Variants in CTNNA3 observed in about 807,000 individuals in gnomAD.
CTNNA3 encodes catenin alpha-3.
CTNNA3 carries 76 observed loss-of-function variants against 95.7 expected under a neutral mutation model. The observed-to-expected ratio is 0.79, with a 90% CI of 0.66 to 0.96. The LOEUF (loss-of-function observed/expected upper bound fraction) is 0.96. Among genes scored for constraint, CTNNA3 ranks in the 40% least tolerant of loss-of-function variants. The pLI, the probability that CTNNA3 is intolerant of heterozygous loss-of-function variation, is 0.00. For missense variants in CTNNA3, 1,191 were observed against 1,089.8 expected, an observed-to-expected ratio of 1.09 and a Z score of -1.31; for synonymous variants, 431 against 374.4, an observed-to-expected ratio of 1.15 and a Z score of -1.74.
intron 9 of CTNNA3, among the ~76,000 whole-genome samples, chr10:66,640,929 G>A (rs1464770797): frequency 1.3e-5 from 2 of 152,040 alleles, no homozygotes; most frequent in Admixed American, 6.6e-5. Context: ...GCAAATGAAC[G>A]CATGCTAGCA....
At chr10:67,147,847 T>C (rs1306127262) in intron 7 of CTNNA3, among the ~76,000 whole-genome samples, 11 of 152,226 alleles carry the variant, frequency 7.2e-5, no homozygotes, top group African/African-American at 2.2e-4. Flanking sequence ...TGAAGCTGTA[T>C]AGATTGAACA....
At chr10:66,601,907 T>G (rs1843940588) in intron 10 of CTNNA3, among the ~76,000 whole-genome samples, 1 of 151,800 alleles carries the variant, frequency 6.6e-6, no homozygotes. Flanking sequence ...TTAGGTTCAG[T>G]GTAGATATGA....
intron 7 of CTNNA3, among the ~76,000 whole-genome samples, chr10:67,146,101 C>T (rs1860830118): frequency 6.6e-6 from 1 of 151,846 alleles, no homozygotes; most frequent in Non-Finnish European, 1.5e-5. Flanking sequence ...AGCACCCCTC[C>T]ACACACACAC....
At chr10:65,991,157 T>A (rs1284500618) in intron 15 of CTNNA3, among the ~76,000 whole-genome samples, 1 of 152,118 alleles carries the variant, frequency 6.6e-6, no homozygotes, top group Non-Finnish European at 1.5e-5. Flanking sequence ...ACTACAGCCT[T>A]ATAATATGTC....
chr10:66,879,004 T>C (rs1237217237), intron 7 of CTNNA3, among the ~76,000 whole-genome samples: 1 of 152,178 alleles, frequency 6.6e-6, no homozygotes, highest in Non-Finnish European at 1.5e-5. Flanking sequence ...TAGTGTCTTG[T>C]AGACTTTGTC....
At chr10:66,151,445 G>T (rs907249927) in intron 13 of CTNNA3, among the ~76,000 whole-genome samples, 3 of 151,826 alleles carry the variant, frequency 2.0e-5, no homozygotes, top group African/African-American at 7.3e-5. Context: ...GAATTTTGAG[G>T]ATATTTACTT....
chr10:67,054,202 A>C (rs1364688781), intron 7 of CTNNA3, among the ~76,000 whole-genome samples: 3 of 152,218 alleles, frequency 2.0e-5, no homozygotes, highest in Non-Finnish European at 4.4e-5. Flanking sequence ...ATTAAAAAAA[A>C]AACTTTATAA....
intron 7 of CTNNA3, among the ~76,000 whole-genome samples, chr10:66,847,353 A>C (rs1215230460): frequency 6.6e-6 from 1 of 152,218 alleles, no homozygotes; most frequent in East Asian, 1.9e-4. Flanking sequence ...AATTATACAG[A>C]AAACATGGTG....
chr10:66,446,128 A>C (rs904950972), intron 11 of CTNNA3, among the ~76,000 whole-genome samples: 1 of 152,214 alleles, frequency 6.6e-6, no homozygotes. Flanking sequence ...AACCAGGAAA[A>C]AGTTGAATCT....
intron 13 of CTNNA3, among the ~76,000 whole-genome samples, chr10:66,207,978 C>A (rs1392286752): frequency 6.6e-6 from 1 of 152,044 alleles, no homozygotes; most frequent in African/African-American, 2.4e-5. Flanking sequence ...TACTTGCCAC[C>A]ACAATATTTC....
intron 5 of CTNNA3, among the ~76,000 whole-genome samples, chr10:67,275,523 T>TA (rs1346050443): frequency 4.0e-5 from 6 of 151,654 alleles, no homozygotes; most frequent in Non-Finnish European, 8.8e-5. Context: ...GCTAAGCGTA[T>TA]AAAAAACCGA....
At chr10:66,623,936 C>G (rs1167127175) in intron 9 of CTNNA3, among the ~76,000 whole-genome samples, 1 of 152,266 alleles carries the variant, frequency 6.6e-6, no homozygotes, top group East Asian at 1.9e-4. Context: ...TTCTGCATGG[C>G]TCTTTAGTCA....
chr10:66,821,767 G>A (rs1842311567), intron 7 of CTNNA3, among the ~76,000 whole-genome samples: 2 of 152,028 alleles, frequency 1.3e-5, no homozygotes, highest in South Asian at 2.1e-4. Context: ...GCTAGTATGC[G>A]CTTTTATCAT....
intron 6 of CTNNA3, among the ~76,000 whole-genome samples, chr10:67,188,657 A>C (rs1026247054): frequency 2.6e-5 from 4 of 152,188 alleles, no homozygotes; most frequent in Non-Finnish European, 4.4e-5. Context: ...TATCCAAGGG[A>C]AATGAAATCA....
chr10:66,356,411 TA>T (rs1029026715), intron 12 of CTNNA3, among the ~76,000 whole-genome samples: 3 of 151,964 alleles, frequency 2.0e-5, no homozygotes, highest in Admixed American at 6.6e-5. Context: ...GTGCAGCAAT[TA>T]TTTTTTTTTA....
At chr10:67,122,437 T>C (rs1859516790) in intron 7 of CTNNA3, among the ~76,000 whole-genome samples, 1 of 152,080 alleles carries the variant, frequency 6.6e-6, no homozygotes, top group Non-Finnish European at 1.5e-5. Context: ...GCACGCTGAA[T>C]ACAGTCAAAA....
intron 9 of CTNNA3, among the ~76,000 whole-genome samples, chr10:66,694,612 AT>A (rs900206833): frequency 2.0e-5 from 3 of 151,992 alleles, no homozygotes; most frequent in Non-Finnish European, 4.4e-5. Context: ...ACTCATTTTA[AT>A]TTTTTTCTAA....
intron 5 of CTNNA3, among the ~76,000 whole-genome samples, chr10:67,458,631 C>T (rs142295005): frequency 2.5e-4 from 38 of 152,114 alleles, no homozygotes; most frequent in Admixed American, 1.0e-3. Context: ...GTAATCCCAG[C>T]GCTTTGGAAG....
chr10:66,664,207 T>A (rs1846362667), intron 9 of CTNNA3, among the ~76,000 whole-genome samples: 1 of 152,138 alleles, frequency 6.6e-6, no homozygotes, highest in Non-Finnish European at 1.5e-5. Flanking sequence ...CCCAGACACT[T>A]TTATATAAAT....
Sources: allele counts gnomAD v4.1 joint callset (sites outside exome capture counted in the v4.1 genomes callset), GRCh38; gene constraint gnomAD v4.1.1; transcripts MANE v1.5; gene names NCBI Gene and HGNC (gene_info 2026-07-23, HGNC 2026-07-21).